The following KIF26B variants were observed in gnomAD, a reference collection of about 807,000 sequenced individuals.
KIF26B encodes the protein kinesin-like protein KIF26B.
KIF26B carries 63 observed loss-of-function variants against 151.2 expected under a neutral mutation model. The ratio of observed to expected loss-of-function variants is 0.42; its 90% CI spans 0.34 to 0.51. The LOEUF (loss-of-function observed/expected upper bound fraction) is 0.51. KIF26B is among the 20% of genes least tolerant of loss of function. The pLI, the probability that KIF26B is intolerant of heterozygous loss-of-function variation, is 0.07. For synonymous variants in KIF26B, 1,357 were observed against 1,262.1 expected (o/e 1.08, Z -1.59); for missense variants, 2,813 against 2,913.6 (o/e 0.97, Z 0.79).
chr1:245,419,320 A>C (rs1010427576), intron 3 of KIF26B, among the ~76,000 whole-genome samples: 4 of 152,218 alleles, frequency 2.6e-5, no homozygotes, highest in Non-Finnish European at 5.9e-5. Flanking sequence ...AAATGGAGGG[A>C]AGACACAGAC....
chr1:245,494,361 G>A (rs941615268), intron 4 of KIF26B, among the ~76,000 whole-genome samples: 5 of 152,014 alleles, frequency 3.3e-5, no homozygotes, highest in African/African-American at 1.2e-4. Flanking sequence ...AGGAGAAAAG[G>A]CGCTAGGAGA....
rs759187749 is a variant in KIF26B, at chr1:245,156,617, C to T, written c.399C>T (p.Asn133=). 50 of 1,524,920 alleles carry T rather than the reference C, an allele frequency of 3.3e-5. 1 individual carries two copies. In the South Asian group the frequency reaches 3.8e-4, roughly 12 times the overall value. 94.5% of individuals were successfully genotyped at this position (1,524,920 alleles called of 1,614,324 possible). ...GCGGCGTCTGGTGCGAGAACTGCAA[C>T]GCCCGCCTGGTGGAGCTCAAGAGGC... ...SDRGVWCENC[N]ARLVELKRQA... is the part of the protein sequence containing the mutation. The change falls in exon 2 of 15, where the codon AAC becomes AAT. Residue 133 remains asparagine, a synonymous_variant. Transcript: ENST00000407071.
At chr1:245,673,341 CCCCG>C (rs1243435153) in intron 10 of KIF26B, among the ~76,000 whole-genome samples, 126 of 136,826 alleles carry the variant, frequency 9.2e-4, no homozygotes, top group Non-Finnish European at 7.0e-4. Flanking sequence ...TAGGCCCAGT[CCCCG>C]CTGCGCGCTG....
chr1:245,278,751 A>C (rs902305725), intron 2 of KIF26B, among the ~76,000 whole-genome samples: 3 of 152,184 alleles, frequency 2.0e-5, no homozygotes, highest in Non-Finnish European at 4.4e-5. Context: ...TCCTGGGACC[A>C]GTACATTGGG....
chr1:245,469,560 A>C (rs1659864788), intron 4 of KIF26B, among the ~76,000 whole-genome samples: 1 of 152,194 alleles, frequency 6.6e-6, no homozygotes, highest in Non-Finnish European at 1.5e-5. Flanking sequence ...TTAATCAGTT[A>C]TCCTTCACTC....
chr1:245,244,404 G>A lies in KIF26B; in HGVS notation c.465+87721G>A, dbSNP rs1670274836. Among the ~76,000 whole-genome samples the A allele has an allele frequency of 6.6e-6, 1 of 152,160 alleles. No individual in the cohort carries two copies. The highest frequency in any genetic ancestry group is 2.1e-4 in the South Asian group (1 of 4,830). On this transcript the variant is annotated intron_variant, in intron 2 of 14. Transcript: ENST00000407071. This position sits in a 1 kb window ranked among gnomAD's most constrained non-coding sequence, Gnocchi z 4.2. ...CTTGCATATTGTCATGATATGTAGTGGGTGGGTAAAATCCGTGAAAGGGTG... is the reference window on the plus strand; with the variant it reads ...CTTGCATATTGTCATGATATGTAGTAGGTGGGTAAAATCCGTGAAAGGGTG...
chr1:245,693,190 C>G (rs1239015959), intron 12 of KIF26B, among the ~76,000 whole-genome samples: 1 of 152,146 alleles, frequency 6.6e-6, no homozygotes, highest in Admixed American at 6.5e-5. Flanking sequence ...TAGATGAGCA[C>G]CTTGGTCTGA....
At chr1:245,580,508 C>T (rs985549179) in intron 5 of KIF26B, among the ~76,000 whole-genome samples, 31 of 152,118 alleles carry the variant, frequency 2.0e-4, no homozygotes, top group Admixed American at 1.4e-3. Flanking sequence ...GGCCTAGGTC[C>T]GAAGGGTCAA....
At chr1:245,414,193 C>T (rs1674361916) in intron 3 of KIF26B, among the ~76,000 whole-genome samples, 1 of 152,250 alleles carries the variant, frequency 6.6e-6, no homozygotes, top group African/African-American at 2.4e-5. Flanking sequence ...CATCCAGAGT[C>T]ATCTTTGTTA....
At chr1:245,550,412 T>C (rs571084636) in intron 5 of KIF26B, among the ~76,000 whole-genome samples, 7 of 152,368 alleles carry the variant, frequency 4.6e-5, no homozygotes, top group African/African-American at 1.7e-4. Flanking sequence ...AAAAGAGTGC[T>C]CTTGCCTGCT....
At chr1:245,640,559 T>C (rs565263159) in intron 9 of KIF26B, among the ~76,000 whole-genome samples, 1 of 152,230 alleles carries the variant, frequency 6.6e-6, no homozygotes, top group South Asian at 2.1e-4. Context: ...ATTTTATTAC[T>C]TATTTTCTAG....
chr1:245,578,501 G>A (rs2043146313), intron 5 of KIF26B, among the ~76,000 whole-genome samples: 1 of 152,204 alleles, frequency 6.6e-6, no homozygotes, highest in African/African-American at 2.4e-5. Flanking sequence ...CAGCTGTAGA[G>A]GACACACACA....
In KIF26B at chr1:245,697,996, C is replaced by T. The variant is rs148633788; in HGVS notation, c.5825-110C>T. 7.3e-4 allele frequency: 682 copies of T among 936,748 alleles called. 1 individual carries two copies. The East Asian group carries it at 0.013, about 18-fold the overall frequency. The allele number at this position is 936,748 out of a possible 1,614,324, so 58.0% of individuals were successfully genotyped here. ...TTCAAGGCTGCAGTGAGCTATGGAT[C>T]GCACCACTGCACTCCAGCCTGGGCA... On this transcript the variant is annotated intron_variant, in intron 12 of 14. Coordinates refer to ENST00000407071, the MANE Select transcript of KIF26B (RefSeq NM_018012.4).
chr1:245,515,961 G>T (rs1383257244), intron 4 of KIF26B, among the ~76,000 whole-genome samples: 1 of 152,162 alleles, frequency 6.6e-6, no homozygotes. Context: ...GCATGGTCAG[G>T]GAAGGGGCAG....
chr1:245,359,665 TC>T (rs1452518074), intron 2 of KIF26B, among the ~76,000 whole-genome samples: 1 of 151,332 alleles, frequency 6.6e-6, no homozygotes, highest in Non-Finnish European at 1.5e-5. Flanking sequence ...CTTCCCTCCT[TC>T]CCTCCTTTCC....
intron 2 of KIF26B, among the ~76,000 whole-genome samples, chr1:245,336,852 G>A (rs1045242019): frequency 4.6e-5 from 7 of 152,164 alleles, no homozygotes; most frequent in African/African-American, 1.7e-4. Flanking sequence ...AACTAGGCTA[G>A]GATTTTTGGT....
chr1:245,384,923 C>T (rs774477370), intron 3 of KIF26B, among the ~76,000 whole-genome samples: 5 of 152,192 alleles, frequency 3.3e-5, no homozygotes, highest in Non-Finnish European at 5.9e-5. Context: ...ATTCACCTCA[C>T]ATCTCCCCAT....
chr1:245,243,917 C>T lies in KIF26B; in HGVS notation c.465+87234C>T, dbSNP rs374211344. On this transcript the variant is annotated intron_variant, in intron 2 of 14. Coordinates refer to ENST00000407071, the MANE Select transcript of KIF26B (RefSeq NM_018012.4). ...GGAAAGGAAAAGAAAGATACCCTTTCTATAGCCTTCTATTTTTTATTTTTC... is the reference window on the plus strand; with the variant it reads ...GGAAAGGAAAAGAAAGATACCCTTTTTATAGCCTTCTATTTTTTATTTTTC... 7.4e-4 allele frequency among the ~76,000 whole-genome samples: 112 copies of T among 152,088 alleles called. 1 individual carries two copies. In the South Asian group the frequency reaches 0.022, roughly 30 times the overall value.
intron 3 of KIF26B, among the ~76,000 whole-genome samples, chr1:245,407,789 A>G (rs1264697291): frequency 1.3e-5 from 2 of 152,184 alleles, no homozygotes; most frequent in African/African-American, 2.4e-5. Flanking sequence ...CTATACTGGT[A>G]ATACTAAGGA....
Sources: allele counts gnomAD v4.1 joint callset (sites outside exome capture counted in the v4.1 genomes callset), GRCh38; gene constraint gnomAD v4.1.1; non-coding constraint Gnocchi (gnomAD v3.1); transcripts MANE v1.5; gene names NCBI Gene and HGNC (gene_info 2026-07-23, HGNC 2026-07-21).